Variants in DNAH14 observed in about 807,000 individuals in gnomAD.
The protein encoded by DNAH14 is dynein axonemal heavy chain 14, also known as axonemal beta dynein heavy chain 14.
A neutral mutation model predicts 520.9 loss-of-function variants in DNAH14; 478 were observed. The ratio of observed to expected loss-of-function variants is 0.92; its 90% confidence interval spans 0.85 to 0.99. The LOEUF (loss-of-function observed/expected upper bound fraction) is 0.99. Among genes scored for constraint, DNAH14 ranks in the 50% least tolerant of loss-of-function variants. The pLI, the probability that DNAH14 is intolerant of heterozygous loss-of-function variation, is 0.00. For synonymous variants in DNAH14, 1,581 were observed against 1,757.2 expected (o/e 0.90, Z 2.51); for missense variants, 4,831 against 5,234.5 (o/e 0.92, Z 2.38).
chr1:225,102,776 G>C (rs548983687), intron 23 of DNAH14, among the ~76,000 whole-genome samples: 1 of 152,282 alleles, frequency 6.6e-6, no homozygotes, highest in African/African-American at 2.4e-5. Context: ...GTTCATTGTA[G>C]ATTCTGGATA....
intron 27 of DNAH14, among the ~76,000 whole-genome samples, chr1:225,123,818 T>A (rs1400560584): frequency 1.3e-5 from 2 of 152,076 alleles, no homozygotes; most frequent in African/African-American, 4.8e-5. Context: ...AGTGGTACAA[T>A]CTCAGCTCAC....
intron 1 of DNAH14, among the ~76,000 whole-genome samples, chr1:224,936,870 A>G (rs191788441): frequency 6.6e-6 from 1 of 152,150 alleles, no homozygotes; most frequent in East Asian, 1.9e-4. Context: ...ATTATTCTCC[A>G]TGATCAATTG....
Position 225,082,624 on chromosome 1 carries a change from T to C in DNAH14, c.3212T>C (p.Ile1071Thr). Residue 1071 changes from isoleucine to threonine, a missense_variant, in exon 20 of 86, where the codon ATA (isoleucine) becomes ACA (threonine). Coordinates refer to ENST00000682510, the MANE Select transcript of DNAH14 (RefSeq NM_001367479.1). The stretch of plus-strand genomic sequence containing the variant: ...TTTAAACAAGAGCTGCCTATCATTA[T>C]AGCTCTGGGAAATCCCTGTCTCAAG... ...TEFKQELPIIIALGNPCLKPR... is the reference protein window; with the variant it reads ...TEFKQELPIITALGNPCLKPR... 4 of 1,551,650 alleles carry C rather than the reference T, an allele frequency of 2.6e-6. No individual in the cohort carries two copies. The South Asian group carries it at 3.6e-5, about 14-fold the overall frequency.
chr1:225,333,259 A>G (rs966902575), intron 65 of DNAH14, 32 bp from the exon 66 acceptor site: 2 of 1,472,810 alleles, frequency 1.4e-6, no homozygotes, highest in Non-Finnish European at 1.8e-6. Context: ...TATATTTTAT[A>G]TAGAATAACT....
intron 41 of DNAH14, among the ~76,000 whole-genome samples, chr1:225,215,542 A>G (rs2089186918): frequency 6.6e-6 from 1 of 151,706 alleles, no homozygotes; most frequent in Non-Finnish European, 1.5e-5. Flanking sequence ...ATGGGAGTCT[A>G]AGTCTCTAAG....
At position 225,358,658 on chromosome 1, in the gene DNAH14, C is replaced by G. The variant is rs1429647541; in HGVS notation, c.11776+6C>G. On this transcript the variant is annotated splice_donor_region_variant and intron_variant, in intron 74 of 85. Coordinates refer to ENST00000682510, the MANE Select transcript of DNAH14 (RefSeq NM_001367479.1). ...GATACTTATTCAAACTCATGGTAAG[C>G]TATTTGTGAATAGTTAAGATGATCG... The G allele has an allele frequency of 5.2e-6, 8 of 1,545,334 alleles. No individual in the cohort carries two copies. Among genetic ancestry groups the G allele is most frequent in the Admixed American group, 2.0e-5 (1 of 49,564 alleles).
At position 225,331,657 on chromosome 1, in the gene DNAH14, G is replaced by A. The variant is rs142328155; in HGVS notation, c.9864+80G>A. On this transcript the variant is annotated intron_variant, in intron 65 of 85. Transcript: ENST00000682510. ...CCCCCAAGATGTTATTTTCACTGCA[G>A]GCTGTATCATATACCTTCTAAAACT... 206 of 1,527,572 alleles carry A rather than the reference G, an allele frequency of 1.3e-4. 1 individual carries two copies. The highest frequency in any genetic ancestry group is 1.8e-4 in the Non-Finnish European group (200 of 1,128,980). The allele number at this position is 1,527,572 out of a possible 1,614,324, so 94.6% of individuals were successfully genotyped here.
chr1:225,074,000 T>G (rs1301458185), intron 17 of DNAH14, among the ~76,000 whole-genome samples: 7 of 126,640 alleles, frequency 5.5e-5, no homozygotes, highest in East Asian at 4.7e-4. Context: ...AGTTTTTTTT[T>G]TTTTTTTTTT....
At chr1:224,943,960 A>T (rs1279299867) in intron 1 of DNAH14, among the ~76,000 whole-genome samples, 2 of 152,166 alleles carry the variant, frequency 1.3e-5, no homozygotes, top group Non-Finnish European at 2.9e-5. Flanking sequence ...GCTGAGAAGA[A>T]TGTATATTCT....
intron 27 of DNAH14, among the ~76,000 whole-genome samples, chr1:225,132,992 T>C (rs1222511909): frequency 6.6e-6 from 1 of 152,248 alleles, no homozygotes; most frequent in Non-Finnish European, 1.5e-5. Context: ...GAGGTTTTTT[T>C]CAAATGTTTG....
chr1:225,137,583 T>C (rs1017829179), intron 27 of DNAH14, among the ~76,000 whole-genome samples: 1 of 152,298 alleles, frequency 6.6e-6, no homozygotes, highest in African/African-American at 2.4e-5. Context: ...CTTGAACTCC[T>C]GACCTCAGGT....
Position 225,099,929 on chromosome 1 carries a change from A to G in DNAH14, c.3696-784A>G, listed in dbSNP as rs2075306535. On this transcript the variant is annotated intron_variant, in intron 22 of 85. Coordinates refer to ENST00000682510, the MANE Select transcript of DNAH14 (RefSeq NM_001367479.1). Reference sequence around the variant, plus strand: ...TCCTCCCCTCTTCAACTTCAGAGCCAAGAGGAGTTTGAATCAGGTTGAGGC... The same window carrying G: ...TCCTCCCCTCTTCAACTTCAGAGCCGAGAGGAGTTTGAATCAGGTTGAGGC... Among the ~76,000 whole-genome samples, 3 of 152,152 alleles carry G rather than the reference A, an allele frequency of 2.0e-5. No individual in the cohort carries two copies. In the South Asian group the frequency reaches 6.2e-4, roughly 31 times the overall value.
chr1:225,226,493 C>T (rs539993984), intron 41 of DNAH14, among the ~76,000 whole-genome samples: 31 of 152,262 alleles, frequency 2.0e-4, no homozygotes, highest in African/African-American at 6.3e-4. Flanking sequence ...AGAACAAAGC[C>T]GGAAAAGTAA....
intron 1 of DNAH14, among the ~76,000 whole-genome samples, chr1:224,946,838 CTT>C (rs778420874): frequency 8.7e-6 from 1 of 115,388 alleles, no homozygotes. Context: ...CCCCTTATGG[CTT>C]TTTTTTTTTT....
chr1:225,097,241 T>C lies in DNAH14; in HGVS notation c.3695+2T>C. ...CTTTCATTCTTCAGAAATACGAAGGTAAAATACCTAAAATATACCATATAC... is the reference window on the plus strand; with the variant it reads ...CTTTCATTCTTCAGAAATACGAAGGCAAAATACCTAAAATATACCATATAC... On this transcript the variant is annotated splice_donor_variant, in intron 22 of 85. Transcript: ENST00000682510. LOFTEE classifies it high-confidence loss of function. The C allele has an allele frequency of 6.5e-7, 1 of 1,548,314 alleles. No individual in the cohort carries two copies. The highest frequency in any genetic ancestry group is 2.5e-5 in the East Asian group (1 of 40,722).
intron 17 of DNAH14, among the ~76,000 whole-genome samples, chr1:225,071,079 A>G (rs141804852): frequency 6.0e-4 from 91 of 152,268 alleles, no homozygotes; most frequent in African/African-American, 2.1e-3. Context: ...GTGTCATTGC[A>G]TGTGAGATGG....
intron 25 of DNAH14, 59 bp downstream of exon 25, chr1:225,118,058 G>A (rs760534190): frequency 7.6e-7 from 1 of 1,320,136 alleles, no homozygotes; most frequent in Non-Finnish European, 1.1e-6. Context: ...TAAAATCTCT[G>A]CTTTGAAATT....
chr1:224,997,062 G>C (rs1351712708), intron 8 of DNAH14, among the ~76,000 whole-genome samples: 1 of 152,136 alleles, frequency 6.6e-6, no homozygotes, highest in Non-Finnish European at 1.5e-5. Flanking sequence ...GCTAGGATTT[G>C]TGAGGGAGCT....
At chr1:225,240,892 T>A in intron 43 of DNAH14, 70 bp downstream of exon 43, 1 of 1,119,308 alleles carries the variant, frequency 8.9e-7, no homozygotes, top group Non-Finnish European at 1.3e-6. Flanking sequence ...GCTTGGCTTA[T>A]AATGATTAGG....
Sources: allele counts gnomAD v4.1 joint callset (sites outside exome capture counted in the v4.1 genomes callset), GRCh38; gene constraint gnomAD v4.1.1; transcripts MANE v1.5; gene names NCBI Gene and HGNC (gene_info 2026-07-23, HGNC 2026-07-21).